Variants in ADAMTSL1 observed in about 807,000 individuals in gnomAD.
ADAMTSL1 encodes the protein ADAMTS-like protein 1.
In ADAMTSL1, 126 loss-of-function variants were observed where a neutral mutation model predicts 201.8. The observed-to-expected ratio is 0.62, with a 90% confidence interval of 0.54 to 0.72. The LOEUF (loss-of-function observed/expected upper bound fraction) is 0.72, where lower values mean the gene tolerates loss of function less well. ADAMTSL1 is among the 30% of genes least tolerant of loss of function. The pLI is 0.00. For missense variants in ADAMTSL1, 2,679 were observed against 2,277.8 expected, an observed-to-expected ratio of 1.18 and a Z score of -3.59; for synonymous variants, 1,121 against 903.4, an observed-to-expected ratio of 1.24 and a Z score of -4.32.
intron 8 of ADAMTSL1, among the ~76,000 whole-genome samples, chr9:18,658,189 T>C (rs1470419772): frequency 6.6e-6 from 1 of 152,168 alleles, no homozygotes; most frequent in Non-Finnish European, 1.5e-5. Context: ...TTAGCCAGGA[T>C]AGTCTCGATC....
intron 1 of ADAMTSL1, among the ~76,000 whole-genome samples, chr9:18,095,408 CTTTCTTTCTTTTTTTTTT>C (rs1200246110): frequency 3.2e-5 from 4 of 125,914 alleles, no homozygotes; most frequent in Middle Eastern, 4.2e-3. Flanking sequence ...TAAGTTTCTT[CTTTCTTTCTTTTTTTTTT>C]TTTTTTTTTT....
intron 4 of ADAMTSL1, among the ~76,000 whole-genome samples, chr9:18,588,175 A>G (rs1255669682): frequency 1.3e-5 from 2 of 152,076 alleles, no homozygotes; most frequent in Admixed American, 6.6e-5. Context: ...CTGAGGCGAA[A>G]TGATACATTA....
intron 1 of ADAMTSL1, among the ~76,000 whole-genome samples, chr9:18,140,184 A>C (rs1164697560): frequency 6.6e-6 from 1 of 152,176 alleles, no homozygotes; most frequent in Non-Finnish European, 1.5e-5. Context: ...GACAAAAATT[A>C]CCTAAATACA....
chr9:18,655,172 T>A (rs1382099020), intron 7 of ADAMTSL1, among the ~76,000 whole-genome samples: 2 of 152,242 alleles, frequency 1.3e-5, no homozygotes, highest in African/African-American at 4.8e-5. Context: ...AGCCTTTGTG[T>A]GCTTAATGAT....
chr9:18,692,237 A>G (rs1831270699), intron 13 of ADAMTSL1, among the ~76,000 whole-genome samples: 1 of 152,238 alleles, frequency 6.6e-6, no homozygotes, highest in Admixed American at 6.5e-5. Context: ...AATGAGTAAG[A>G]AAAGTTCAGA....
chr9:18,862,289 G>A (rs1271160408), intron 23 of ADAMTSL1, among the ~76,000 whole-genome samples: 1 of 152,148 alleles, frequency 6.6e-6, no homozygotes, highest in Admixed American at 6.5e-5. Context: ...CCCAAAATCA[G>A]AGCAAAACTT....
chr9:18,869,066 T>C (rs1158594625), intron 23 of ADAMTSL1, among the ~76,000 whole-genome samples: 1 of 152,166 alleles, frequency 6.6e-6, no homozygotes, highest in African/African-American at 2.4e-5. Context: ...TACGCAGACA[T>C]GCACACAAGG....
chr9:18,300,585 A>G (rs951143764), intron 2 of ADAMTSL1, among the ~76,000 whole-genome samples: 2 of 152,194 alleles, frequency 1.3e-5, no homozygotes, highest in African/African-American at 4.8e-5. Context: ...CGTTGTGCAC[A>G]TGCACTCCAG....
At chr9:17,926,885 T>G (rs545559682) in intron 1 of ADAMTSL1, among the ~76,000 whole-genome samples, 2 of 152,306 alleles carry the variant, frequency 1.3e-5, no homozygotes, top group East Asian at 3.9e-4. Context: ...TAAAATTATT[T>G]TAAAACTTAT....
chr9:18,821,031 G>A (rs1263261566), intron 21 of ADAMTSL1, among the ~76,000 whole-genome samples: 1 of 152,072 alleles, frequency 6.6e-6, no homozygotes. Context: ...GGTAGGCAGG[G>A]GCTAGATCTT....
chr9:18,516,432 A>G (rs1345267833), intron 2 of ADAMTSL1, among the ~76,000 whole-genome samples: 1 of 152,224 alleles, frequency 6.6e-6, no homozygotes, highest in Non-Finnish European at 1.5e-5. Context: ...TACCAACCTC[A>G]AATAGCTGCA....
At chr9:18,483,346 G>A (rs1821825218) in intron 1 of ADAMTSL1, among the ~76,000 whole-genome samples, 1 of 152,148 alleles carries the variant, frequency 6.6e-6, no homozygotes, top group Non-Finnish European at 1.5e-5. Context: ...GGAATCTTGT[G>A]CTGTTTCCTT....
At chr9:18,645,148 G>A (rs961335308) in intron 7 of ADAMTSL1, among the ~76,000 whole-genome samples, 2 of 152,146 alleles carry the variant, frequency 1.3e-5, no homozygotes, top group African/African-American at 4.8e-5. Flanking sequence ...GTGATGATGA[G>A]CATTTTTTCA....
chr9:18,337,813 A>C lies in ADAMTSL1; in HGVS notation c.208-167016A>C, dbSNP rs183269379. Among the ~76,000 whole-genome samples, 295 of 152,288 alleles carry C rather than the reference A, an allele frequency of 1.9e-3. 3 individuals are homozygous for C. The highest frequency in any genetic ancestry group is 6.8e-3 in the African/African-American group (281 of 41,566). On this transcript the variant is annotated intron_variant, in intron 2 of 29. Coordinates refer to the ADAMTSL1 transcript ENST00000680146. ...CCACTGTGATTGTATCTTCAAAGAGAGACATCTGGAGACACAATACTGAAG... is the reference window on the plus strand; with the variant it reads ...CCACTGTGATTGTATCTTCAAAGAGCGACATCTGGAGACACAATACTGAAG...
Position 18,777,739 on chromosome 9 carries a change from C to A in ADAMTSL1, c.3510C>A (p.Ile1170=), listed in dbSNP as rs777365021. The A allele has an allele frequency of 6.2e-7, 1 of 1,613,570 alleles. No homozygotes were observed. Among genetic ancestry groups the A allele is most frequent in the Non-Finnish European group, 8.5e-7 (1 of 1,179,828 alleles). Residue 1170 remains isoleucine (I), a synonymous_variant, in exon 19 of 29, where the codon ATC becomes ATA. Coordinates refer to ENST00000380548, the MANE Select transcript of ADAMTSL1 (RefSeq NM_001040272.6). The stretch of plus-strand genomic sequence containing the variant: ...GCAAGCCCACCATCCTGCGCAAGAT[C>A]TCAGCGGCCCAGCAGCTCTCAGCCT... ...PHRKPTILRK[I]SAAQQLSASE...
intron 9 of ADAMTSL1, among the ~76,000 whole-genome samples, chr9:18,675,385 A>T (rs1055355169): frequency 5.3e-5 from 8 of 152,210 alleles, no homozygotes; most frequent in Non-Finnish European, 8.8e-5. Flanking sequence ...GCAGTTACAT[A>T]GTATTGTCAA....
chr9:18,446,373 T>C (rs1423915534), intron 2 of ADAMTSL1, among the ~76,000 whole-genome samples: 1 of 152,242 alleles, frequency 6.6e-6, no homozygotes, highest in East Asian at 1.9e-4. Context: ...TTTAAAGGCA[T>C]GAACTAAAAA....
intron 26 of ADAMTSL1, among the ~76,000 whole-genome samples, chr9:18,893,284 C>T (rs1829407297): frequency 6.6e-6 from 1 of 152,070 alleles, no homozygotes; most frequent in Non-Finnish European, 1.5e-5. Flanking sequence ...TGTAAAATTA[C>T]AATAGCAAAC....
intron 2 of ADAMTSL1, among the ~76,000 whole-genome samples, chr9:18,388,474 A>C (rs1477803742): frequency 4.6e-5 from 7 of 152,032 alleles, no homozygotes; most frequent in Non-Finnish European, 1.5e-5. Context: ...ATGTCTCACC[A>C]TGTTGCCCAG....
Sources: gnomAD v4.1 joint callset for allele counts (sites outside exome capture counted in the v4.1 genomes callset) on GRCh38, gnomAD v4.1.1 for gene constraint, MANE v1.5 for transcripts, NCBI Gene and HGNC (gene_info 2026-07-23, HGNC 2026-07-21) for gene names.